ERBB3: variants seen among roughly 807,000 people sequenced by gnomAD.
ERBB3 encodes the protein erb-b2 receptor tyrosine kinase 3.
In ERBB3, 96 loss-of-function variants were observed where a neutral mutation model predicts 156.7. That is an observed-to-expected ratio of 0.61 (90% CI 0.52 to 0.73). The LOEUF (loss-of-function observed/expected upper bound fraction) is 0.73, where lower values mean the gene tolerates loss of function less well. Among genes scored for constraint, ERBB3 ranks in the 30% least tolerant of loss-of-function variants. The pLI, the probability that ERBB3 is intolerant of heterozygous loss-of-function variation, is 0.00. For missense variants in ERBB3, 1,406 were observed against 1,709.4 expected (o/e 0.82, Z 3.13); for synonymous variants, 567 against 632.0 (o/e 0.90, Z 1.54).
intron 17 of ERBB3, chr12:56,096,091 C>T (rs1182989686): frequency 7.4e-6 from 4 of 539,618 alleles, no homozygotes; most frequent in Non-Finnish European, 1.0e-5. Context: ...CTCTGTGCCT[C>T]GGTTTATGCA....
chr12:56,092,089 A>G (rs1298765569), intron 9 of ERBB3, among the ~76,000 whole-genome samples: 1 of 124,304 alleles, frequency 8.0e-6, no homozygotes, highest in Non-Finnish European at 1.7e-5. Flanking sequence ...CCTGTCTCTT[A>G]AAAAAAAAAA....
chr12:56,093,238 C>T (rs913069179), intron 11 of ERBB3, 107 bp from the exon 12 acceptor site: 10 of 1,205,076 alleles, frequency 8.3e-6, no homozygotes, highest in Non-Finnish European at 1.1e-5. Context: ...GATTCCCTCT[C>T]AGTGGATCTG....
chr12:56,087,721 G>C lies in ERBB3; in HGVS notation c.614-74G>C, dbSNP rs1224904251. The C allele has an allele frequency of 6.9e-6, 11 of 1,584,950 alleles. No homozygotes were observed. In the Admixed American group the frequency reaches 1.0e-4, roughly 14 times the overall value. On this transcript the variant is annotated intron_variant, in intron 5 of 27. Transcript: ENST00000267101. ...CTCCCCAAGCCTGGGTCAACACTGT[G>C]GGGGAGGCATGAGCAGTGGCCTCAG...
In ERBB3 at chr12:56,093,525, G is replaced by A. The variant is rs2136810129; in HGVS notation, c.1455G>A (p.Lys485=). The A allele has an allele frequency of 6.2e-7, 1 of 1,612,816 alleles. No homozygotes were observed. Among genetic ancestry groups the A allele is most frequent in the Non-Finnish European group, 8.5e-7 (1 of 1,179,828 alleles). ...CTACGGAAGAGCGACTAGACATCAAGCATAATCGGCCGCGCAGAGACTGCG... is the reference window on the plus strand; with the variant it reads ...CTACGGAAGAGCGACTAGACATCAAACATAATCGGCCGCGCAGAGACTGCG... ...RGPTEERLDI[K]HNRPRRDCVA... is the part of the protein sequence containing the mutation. Residue 485 remains lysine, a synonymous_variant, in exon 12 of 28, where the codon AAG becomes AAA. Transcript: ENST00000267101.
Position 56,094,410 on chromosome 12 carries a change from T to C in ERBB3, c.1713T>C (p.Asp571=). The part of the protein sequence containing the change: ...GTATCNGSGS[D]TCAQCAHFRD... ...TTCTCTCTTCCACTCAGGGCTCTGA[T>C]ACTTGTGCTCAATGTGCCCATTTTC... The change falls in exon 15 of 28, where the codon GAT becomes GAC. Residue 571 remains aspartate, a synonymous_variant. Coordinates refer to ENST00000267101, the MANE Select transcript of ERBB3 (RefSeq NM_001982.4). The C allele has an allele frequency of 2.5e-6, 4 of 1,614,174 alleles. No homozygotes were observed. The highest frequency in any genetic ancestry group is 2.5e-6 in the Non-Finnish European group (3 of 1,180,038).
rs199613777 is a variant in ERBB3 at position 56,093,375 on chromosome 12, C to G, written c.1305C>G (p.Asn435Lys). 1.2e-6 allele frequency: 2 copies of G among 1,614,024 alleles called. No individual in the cohort carries two copies. Among genetic ancestry groups the G allele is most frequent in the Admixed American group, 1.7e-5 (1 of 60,008 alleles). ...GCTTCTCATTGTTGATCATGAAGAA[C>G]TTGAATGTCACATCTCTGGGCTTCC... ...NRGFSLLIMKNLNVTSLGFRS... is the reference protein window; with the variant it reads ...NRGFSLLIMKKLNVTSLGFRS... The change falls in exon 12 of 28, where the codon AAC (asparagine) becomes AAG (lysine). Residue 435 changes from asparagine to lysine, a missense_variant. By Grantham distance (94) the Asn-to-Lys change is moderately conservative (BLOSUM62 0). Around this residue, in one of 3 missense-constraint regions of ERBB3, gnomAD observed 979 missense variants for 1,219.6 expected, o/e 0.80. Coordinates refer to ENST00000267101, the MANE Select transcript of ERBB3 (RefSeq NM_001982.4).
chr12:56,088,823 C>G lies in ERBB3; in HGVS notation c.1064C>G (p.Thr355Ser), dbSNP rs993665271. ...AACATTGATGGATTTGTGAACTGCA[C>G]CAAGATCCTGGGCAACCTGGACTTT... ...SSNIDGFVNC[T>S]KILGNLDFLI... is the part of the protein sequence containing the mutation. The change falls in exon 9 of 28, where the codon ACC becomes AGC. Residue 355 changes from threonine (T) to serine (S), a missense_variant. By Grantham distance (58) the Thr-to-Ser change is moderately conservative. Coordinates refer to ENST00000267101, the MANE Select transcript of ERBB3 (RefSeq NM_001982.4). 6.2e-7 allele frequency: 1 copy of G among 1,614,154 alleles called. No homozygotes were observed.
intron 18 of ERBB3, 28 bp from the exon 19 acceptor site, chr12:56,096,720 A>T: frequency 1.9e-6 from 3 of 1,612,776 alleles, no homozygotes; most frequent in South Asian, 2.2e-5. Flanking sequence ...GAATGACCTT[A>T]TGCCAACTCC....
At chr12:56,089,275 A>G in intron 9 of ERBB3, 1 of 376,044 alleles carries the variant, frequency 2.7e-6, no homozygotes. Context: ...ACACCATCAT[A>G]CTTGACTAAT....
chr12:56,094,673 C>A, intron 15 of ERBB3, 117 bp downstream of exon 15: 2 of 1,257,432 alleles, frequency 1.6e-6, no homozygotes, highest in Non-Finnish European at 1.1e-6. Context: ...CCCAGCTGGC[C>A]GGGCGCAGTG....
At position 56,102,168 on chromosome 12, in the gene ERBB3, C is replaced by A; in HGVS notation, c.*113C>A. On this transcript the variant is annotated 3_prime_UTR_variant, in exon 28 of 28. Transcript: ENST00000267101. ...CAGGTCCCAGCCCCTTTTCCCCAGTCCCAGACAATTCCATTCAATCTTTGG... is the reference window on the plus strand; with the variant it reads ...CAGGTCCCAGCCCCTTTTCCCCAGTACCAGACAATTCCATTCAATCTTTGG... 1.1e-6 allele frequency: 1 copy of A among 948,904 alleles called. No homozygotes were observed. Among genetic ancestry groups the A allele is most frequent in the Non-Finnish European group, 1.7e-6 (1 of 597,656 alleles). The allele number at this position is 948,904 out of a possible 1,614,324, so 58.8% of individuals were successfully genotyped here.
At chr12:56,087,501 G>C in intron 4 of ERBB3, 76 bp from the exon 5 acceptor site, 1 of 1,236,980 alleles carries the variant, frequency 8.1e-7, no homozygotes, top group South Asian at 1.2e-5. Context: ...CCTGTGTACT[G>C]ACATCATACC....
rs757229785 is a variant in ERBB3, at chr12:56,100,232, G to A, written c.3188G>A (p.Gly1063Glu). 3 of 1,613,800 alleles carry A rather than the reference G, an allele frequency of 1.9e-6. No homozygotes were observed. The highest frequency in any genetic ancestry group is 2.5e-6 in the Non-Finnish European group (3 of 1,179,828). Residue 1063 changes from glycine (G) to glutamate (E), a missense_variant, in exon 26 of 28, where the codon GGG (glycine) becomes GAG (glutamate). Physicochemically the swap from Gly to Glu is moderately conservative, Grantham distance 98. Around this residue, in one of 3 missense-constraint regions of ERBB3, gnomAD observed 415 missense variants for 454.1 expected, o/e 0.91. Transcript: ENST00000267101. The stretch of plus-strand genomic sequence containing the variant: ...ATGCCCATGAACCAGGGTAATCTTG[G>A]GGAGTCTTGCCAGGTAAGTTCTGTT... ...GYMPMNQGNL[G>E]ESCQESAVSG...
chr12:56,097,518 C>G (rs1668453766), intron 20 of ERBB3, among the ~76,000 whole-genome samples: 1 of 152,164 alleles, frequency 6.6e-6, no homozygotes, highest in South Asian at 2.1e-4. Context: ...AGCTTGACTT[C>G]TATTGTGAAC....
In ERBB3 at chr12:56,083,905, T is replaced by G; in HGVS notation, c.234+3T>G. 2 of 1,613,866 alleles carry G rather than the reference T, an allele frequency of 1.2e-6. No individual in the cohort carries two copies. Among genetic ancestry groups the G allele is most frequent in the Non-Finnish European group, 1.7e-6 (2 of 1,179,858 alleles). The stretch of plus-strand genomic sequence containing the variant: ...ATGCCGACCTCTCCTTCCTGCAGGT[T>G]AGTGAGCCCACCCTCCTTCCTCAAC... On this transcript the variant is annotated splice_donor_region_variant and intron_variant, in intron 2 of 27. Coordinates refer to ENST00000267101, the MANE Select transcript of ERBB3 (RefSeq NM_001982.4).
chr12:56,102,495 C>A lies in ERBB3; in HGVS notation c.*440C>A. ...TGTAATTTTGGTTTATGACTCTTAA[C>A]CCCCTAGAAAGACAGAAGCTTAAAA... On this transcript the variant is annotated 3_prime_UTR_variant, in exon 28 of 28. Coordinates refer to ENST00000267101, the MANE Select transcript of ERBB3 (RefSeq NM_001982.4). 1 of 249,678 alleles carries A rather than the reference C, an allele frequency of 4.0e-6. No individual in the cohort carries two copies. The highest frequency in any genetic ancestry group is 5.8e-5 in the East Asian group (1 of 17,126). The allele number at this position is 249,678 out of a possible 1,614,324, so 15.5% of individuals were successfully genotyped here.
intron 26 of ERBB3, among the ~76,000 whole-genome samples, 158 bp from the exon 27 acceptor site, chr12:56,100,903 C>T (rs1387259176): frequency 7.6e-6 from 1 of 132,320 alleles, no homozygotes; most frequent in African/African-American, 2.8e-5. Context: ...AATGCCACTG[C>T]ACTCCAGCCT....
chr12:56,086,649 C>A lies in ERBB3; in HGVS notation c.540C>A (p.Gly180=), dbSNP rs2136791604. 6.2e-7 allele frequency: 1 copy of A among 1,614,058 alleles called. No homozygotes were observed. The highest frequency in any genetic ancestry group is 8.5e-7 in the Non-Finnish European group (1 of 1,179,930). ...RDAEIVVKDN[G]RSCPPCHEVC... The stretch of plus-strand genomic sequence containing the variant: ...CTGAGATAGTGGTGAAGGACAATGG[C>A]AGAAGCTGTAAGTGGCCGTGATCAA... The change falls in exon 4 of 28, where the codon GGC becomes GGA. Residue 180 remains glycine, a synonymous_variant. Coordinates refer to ENST00000267101, the MANE Select transcript of ERBB3 (RefSeq NM_001982.4).
chr12:56,100,869 G>A (rs1370296596), intron 26 of ERBB3, among the ~76,000 whole-genome samples, 192 bp from the exon 27 acceptor site: 1 of 139,306 alleles, frequency 7.2e-6, no homozygotes, highest in East Asian at 2.2e-4. Context: ...GAACAGGGAA[G>A]CAGAGGCTGC....
Sources: gnomAD v4.1 joint callset for allele counts (sites outside exome capture counted in the v4.1 genomes callset) on GRCh38, gnomAD v4.1.1 for gene constraint, gnomAD v4.1.1 regional missense constraint, MANE v1.5 for transcripts, NCBI Gene and HGNC (gene_info 2026-07-23, HGNC 2026-07-21) for gene names.